Variants in FYN observed in about 807,000 individuals in gnomAD.
FYN encodes tyrosine-protein kinase Fyn.
In FYN, 10 loss-of-function variants were observed where a neutral mutation model predicts 70.2. That is an observed-to-expected ratio of 0.14 (90% CI 0.09 to 0.24). The LOEUF (loss-of-function observed/expected upper bound fraction) is 0.24. Ranked by LOEUF, FYN falls within the 10% of genes least tolerant of loss-of-function variation. The pLI is 1.00. For synonymous variants in FYN, 236 were observed against 248.6 expected, an observed-to-expected ratio of 0.95 and a Z score of 0.48; for missense variants, 319 against 673.1, an observed-to-expected ratio of 0.47 and a Z score of 5.82.
chr6:111,715,659 C>T (rs960511879), intron 4 of FYN, among the ~76,000 whole-genome samples: 4 of 152,086 alleles, frequency 2.6e-5, no homozygotes, highest in African/African-American at 9.7e-5. Flanking sequence ...TGGCCAACAG[C>T]CAGCGAGGCA....
At chr6:111,870,169 AAAG>A (rs1487835991) in intron 1 of FYN, among the ~76,000 whole-genome samples, 1 of 152,310 alleles carries the variant, frequency 6.6e-6, no homozygotes, top group East Asian at 1.9e-4. Flanking sequence ...GCCCTCAAGT[AAAG>A]AATGTGAGAG....
intron 12 of FYN, among the ~76,000 whole-genome samples, chr6:111,678,793 C>T (rs1309235821): frequency 6.6e-6 from 1 of 152,172 alleles, no homozygotes; most frequent in Non-Finnish European, 1.5e-5. Flanking sequence ...CTCTATTTTT[C>T]ATCACTGTGC....
chr6:111,744,092 GA>G (rs1413944769), intron 3 of FYN, among the ~76,000 whole-genome samples: 2 of 152,196 alleles, frequency 1.3e-5, no homozygotes, highest in African/African-American at 2.4e-5. Flanking sequence ...AATAGCTGGA[GA>G]AGAGCCATCT....
At chr6:111,767,926 T>A (rs933576392) in intron 3 of FYN, among the ~76,000 whole-genome samples, 2 of 152,220 alleles carry the variant, frequency 1.3e-5, no homozygotes, top group African/African-American at 4.8e-5. Flanking sequence ...AAAACTTTTT[T>A]TTGACGTTAG....
At chr6:111,792,044 C>T (rs1771642691) in intron 2 of FYN, among the ~76,000 whole-genome samples, 1 of 152,016 alleles carries the variant, frequency 6.6e-6, no homozygotes, top group Non-Finnish European at 1.5e-5. Context: ...TTGGACTATA[C>T]TAAAATTAAA....
At chr6:111,781,836 A>T (rs1041957497) in intron 2 of FYN, among the ~76,000 whole-genome samples, 1 of 152,246 alleles carries the variant, frequency 6.6e-6, no homozygotes, top group African/African-American at 2.4e-5. Context: ...ATTGTTATGA[A>T]CATCTTTCAA....
In FYN at chr6:111,719,881, C is replaced by T. The variant is rs559613703; in HGVS notation, c.171G>A (p.Gly57=). 3.1e-6 allele frequency: 5 copies of T among 1,614,126 alleles called. No homozygotes were observed. The highest frequency in any genetic ancestry group is 4.2e-6 in the Non-Finnish European group (5 of 1,180,020). Residue 57 remains glycine (G), a synonymous_variant, in exon 4 of 14, where the codon GGG becomes GGA. Coordinates refer to ENST00000354650, the MANE Select transcript of FYN (RefSeq NM_002037.5). ...IPNYNNFHAA[G]GQGLTVFGGV... Reference sequence around the variant, plus strand: ...CTCCAAAGACGGTGAGTCCTTGGCCCCCGGCTGCGTGGAAGTTGTTGTAGT... The same window carrying T: ...CTCCAAAGACGGTGAGTCCTTGGCCTCCGGCTGCGTGGAAGTTGTTGTAGT...
intron 1 of FYN, among the ~76,000 whole-genome samples, chr6:111,849,609 T>C (rs886144238): frequency 1.3e-5 from 2 of 152,138 alleles, no homozygotes; most frequent in African/African-American, 4.8e-5. Flanking sequence ...GAGGCCAGAC[T>C]GTGAGAGACG....
chr6:111,702,768 C>G, intron 8 of FYN, 117 bp downstream of exon 8: 3 of 997,060 alleles, frequency 3.0e-6, no homozygotes, highest in Non-Finnish European at 4.4e-6. Context: ...GCAAAGAAAA[C>G]ATACTCTATA....
intron 3 of FYN, among the ~76,000 whole-genome samples, chr6:111,774,284 A>G (rs562465193): frequency 1.3e-5 from 2 of 152,328 alleles, no homozygotes; most frequent in South Asian, 4.1e-4. Flanking sequence ...AGAGCTCCCA[A>G]TGAAGTGGAA....
At position 111,822,438 on chromosome 6, in the gene FYN, C is replaced by A. The variant is rs901387204; in HGVS notation, c.-82+24151G>T. 2.6e-5 allele frequency among the ~76,000 whole-genome samples: 4 copies of A among 151,700 alleles called. No homozygotes were observed. The East Asian group carries it at 7.8e-4, about 30-fold the overall frequency. Reference sequence around the variant, plus strand: ...AGGTGGGAATTGAACAATGAGAACACTTGGACACAGGGCAGGGAACATCAC... The same window carrying A: ...AGGTGGGAATTGAACAATGAGAACAATTGGACACAGGGCAGGGAACATCAC... On this transcript the variant is annotated intron_variant, in intron 2 of 13. Transcript: ENST00000354650.
chr6:111,769,106 T>C (rs894171453), intron 3 of FYN, among the ~76,000 whole-genome samples: 1 of 152,136 alleles, frequency 6.6e-6, no homozygotes, highest in Non-Finnish European at 1.5e-5. Flanking sequence ...AATAGTGAGG[T>C]TGACATCAAG....
Position 111,694,281 on chromosome 6 carries a change from T to TGAAGGAAGGGAAGGGAAGGAG in FYN, c.1273+73_1273+93dup. 1.4e-6 allele frequency: 2 copies of TGAAGGAAGGGAAGGGAAGGAG among 1,476,684 alleles called. No homozygotes were observed. The highest frequency in any genetic ancestry group is 2.3e-5 in the East Asian group (1 of 43,976). 91.5% of individuals were successfully genotyped at this position (1,476,684 alleles called of 1,614,324 possible). On this transcript the variant is annotated intron_variant, in intron 12 of 13. Coordinates refer to ENST00000354650, the MANE Select transcript of FYN (RefSeq NM_002037.5). This position sits in a 1 kb window ranked among gnomAD's most constrained non-coding sequence, Gnocchi z 5.0. ...GAAGAATGACATTTCAAGTATTTTC[T>TGAAGGAAGGGAAGGGAAGGAG]GAAGGAAGGGAAGGGAAGGAGGAAG...
chr6:111,825,098 T>C (rs1183749971), intron 2 of FYN, among the ~76,000 whole-genome samples: 1 of 152,188 alleles, frequency 6.6e-6, no homozygotes, highest in East Asian at 1.9e-4. Context: ...TGCGTAGGAA[T>C]GGTGGTCCAC....
At position 111,694,531 on chromosome 6, in the gene FYN, G is replaced by A; in HGVS notation, c.1120-3C>T. 1 of 1,614,172 alleles carries A rather than the reference G, an allele frequency of 6.2e-7. No individual in the cohort carries two copies. The highest frequency in any genetic ancestry group is 1.1e-5 in the South Asian group (1 of 91,080). ...ATGTAAGCCATTCCTGCAGCCACCT[G>A]TGGAAACCCAGGGAACAGGACATGT... On this transcript the variant is annotated splice_region_variant and splice_polypyrimidine_tract_variant and intron_variant, in intron 11 of 13. Transcript: ENST00000354650. The surrounding 1 kb of genome is among the most constrained non-coding windows in gnomAD (Gnocchi z 5.0).
At position 111,704,041 on chromosome 6, in the gene FYN, G is replaced by A; in HGVS notation, c.505C>T (p.Pro169Ser). The A allele has an allele frequency of 6.2e-7, 1 of 1,614,082 alleles. No individual in the cohort carries two copies. The change falls in exon 7 of 14, where the codon CCA becomes TCA. Residue 169 changes from proline (P) to serine (S), a missense_variant. Physicochemically the swap from Pro to Ser is moderately conservative, Grantham distance 74. This residue lies in a region of FYN where 112 missense variants were observed against 250.2 expected (regional missense o/e 0.45). Transcript: ENST00000354650. Reference protein sequence around the residue: ...AERQLLSFGNPRGTFLIRESE... With the variant: ...AERQLLSFGNSRGTFLIRESE... Reference sequence around the variant, plus strand: ...TCGCGGATAAGAAAGGTACCTCTTGGGTTTCCAAAGGACAATAGCTGTCGC... The same window carrying A: ...TCGCGGATAAGAAAGGTACCTCTTGAGTTTCCAAAGGACAATAGCTGTCGC...
In FYN at chr6:111,707,994, G is replaced by A. The variant is rs1199978400; in HGVS notation, c.371C>T (p.Ser124Phe). The A allele has an allele frequency of 6.2e-7, 1 of 1,613,876 alleles. No homozygotes were observed. The highest frequency in any genetic ancestry group is 2.2e-5 in the East Asian group (1 of 44,896). The change falls in exon 6 of 14, where the codon TCC (serine) becomes TTC (phenylalanine). Residue 124 changes from serine (S) to phenylalanine (F), a missense_variant. Physicochemically the swap from Ser to Phe is radical, Grantham distance 155 (BLOSUM62 -2). Transcript: ENST00000354650. ...SSEGDWWEARSLTTGETGYIP... is the reference protein window; with the variant it reads ...SSEGDWWEARFLTTGETGYIP... ...GTAACCTGTCTCTCCAGTTGTCAAGGAGCGGGCTTCCCACCAATCTCCTTC... is the reference window on the plus strand; with the variant it reads ...GTAACCTGTCTCTCCAGTTGTCAAGAAGCGGGCTTCCCACCAATCTCCTTC...
intron 9 of FYN, chr6:111,699,622 C>T (rs1270139148): frequency 6.2e-7 from 1 of 1,614,110 alleles, no homozygotes; most frequent in Non-Finnish European, 8.5e-7. Flanking sequence ...TTGTGGGGTA[C>T]AACTCGATGC....
chr6:111,868,222 T>C (rs1336170050), intron 1 of FYN, among the ~76,000 whole-genome samples: 1 of 152,144 alleles, frequency 6.6e-6, no homozygotes, highest in Non-Finnish European at 1.5e-5. Context: ...CAGAGACTCC[T>C]TTATAGCTCT....
Sources: gnomAD v4.1 joint callset for allele counts (sites outside exome capture counted in the v4.1 genomes callset) on GRCh38, gnomAD v4.1.1 for gene constraint, gnomAD v4.1.1 regional missense constraint, Gnocchi (gnomAD v3.1) non-coding constraint, MANE v1.5 for transcripts, NCBI Gene and HGNC (gene_info 2026-07-23, HGNC 2026-07-21) for gene names.